UMAD1: variants seen among roughly 807,000 people sequenced by gnomAD.
UMAD1 encodes the protein UBAP1-MVB12-associated (UMA)-domain containing protein 1.
In UMAD1, 8 loss-of-function variants were observed where a neutral mutation model predicts 6.1. The ratio of observed to expected loss-of-function variants is 1.30; its 90% confidence interval spans 0.76 to 2.35. The LOEUF is 2.35. UMAD1 is among the 30% of genes most tolerant of loss of function. The pLI is 0.00. For missense variants in UMAD1, 130 were observed against 78.4 expected (o/e 1.66, Z -2.49); for synonymous variants, 56 against 31.4 (o/e 1.78, Z -2.61).
intron 3 of UMAD1, among the ~76,000 whole-genome samples, chr7:7,845,337 T>C (rs954107140): frequency 2.6e-5 from 4 of 152,092 alleles, no homozygotes; most frequent in Admixed American, 1.3e-4. Context: ...AATTTCTATT[T>C]AACAAGCTGC....
chr7:7,648,727 C>T (rs75732714), intron 1 of UMAD1, among the ~76,000 whole-genome samples: 439 of 151,982 alleles, frequency 2.9e-3, no homozygotes, highest in African/African-American at 0.01. Flanking sequence ...GGTGTGTGTG[C>T]CTGTGGTCCT....
At chr7:7,691,373 C>T (rs183688331) in intron 2 of UMAD1, among the ~76,000 whole-genome samples, 4 of 151,962 alleles carry the variant, frequency 2.6e-5, no homozygotes, top group Admixed American at 2.0e-4. Flanking sequence ...TAAAATAAAC[C>T]AAACATTAAT....
intron 3 of UMAD1, among the ~76,000 whole-genome samples, chr7:7,847,330 G>C (rs897758392): frequency 6.8e-6 from 1 of 147,380 alleles, no homozygotes; most frequent in Non-Finnish European, 1.5e-5. Context: ...ATAGCTTTGT[G>C]TATATATATA....
chr7:7,794,392 G>C (rs1782629128), intron 2 of UMAD1, among the ~76,000 whole-genome samples: 1 of 152,144 alleles, frequency 6.6e-6, no homozygotes, highest in South Asian at 2.1e-4. Flanking sequence ...GCTTATAACA[G>C]GGAGCAAAAG....
chr7:7,801,620 C>T, intron 2 of UMAD1, 50 bp from the exon 3 acceptor site: 1 of 697,700 alleles, frequency 1.4e-6, no homozygotes, highest in Non-Finnish European at 2.7e-6. Flanking sequence ...GTAGTTTGGC[C>T]TCAGTAATAT....
intron 3 of UMAD1, among the ~76,000 whole-genome samples, chr7:7,827,030 G>A (rs1164263245): frequency 6.6e-6 from 1 of 151,762 alleles, no homozygotes; most frequent in African/African-American, 2.4e-5. Flanking sequence ...AATATTTATA[G>A]TATGCCCCAT....
intron 3 of UMAD1, among the ~76,000 whole-genome samples, chr7:7,803,412 CT>C (rs1247571117): frequency 6.6e-6 from 1 of 152,180 alleles, no homozygotes; most frequent in Non-Finnish European, 1.5e-5. Flanking sequence ...GAATTCAAGG[CT>C]CCCAGCCTGG....
At chr7:7,813,674 T>G (rs543377128) in intron 3 of UMAD1, among the ~76,000 whole-genome samples, 1 of 152,356 alleles carries the variant, frequency 6.6e-6, no homozygotes, top group East Asian at 1.9e-4. Context: ...ATAACCCTAC[T>G]TTTTAAGATG....
Position 7,810,425 on chromosome 7 carries a change from G to A in UMAD1, c.156+8682G>A, listed in dbSNP as rs1447223879. 2.6e-5 allele frequency among the ~76,000 whole-genome samples: 4 copies of A among 152,048 alleles called. No homozygotes were observed. The East Asian group carries it at 5.8e-4, about 22-fold the overall frequency. ...CTAAAAAAGATGGCATATTCAGTCA[G>A]TGCAATATTTTTCAGTTTTTATAAA... On this transcript the variant is annotated intron_variant, in intron 3 of 3. Transcript: ENST00000682710.
intron 3 of UMAD1, among the ~76,000 whole-genome samples, chr7:7,840,503 C>CATTGCCAAGCCAAGTCTTCTTTT (rs1554334321): frequency 6.6e-6 from 1 of 150,972 alleles, no homozygotes; most frequent in Non-Finnish European, 1.5e-5. Flanking sequence ...TGAATGTTGG[C>CATTGCCAAGCCAAGTCTTCTTTT]ATTGCCAAGC....
At chr7:7,840,802 A>G (rs741048) in intron 3 of UMAD1, among the ~76,000 whole-genome samples, 13,427 of 152,212 alleles carry the variant, frequency 0.088, 718 homozygotes, top group Non-Finnish European at 0.12. Context: ...CATCAAGGAA[A>G]GTTCCTAATA....
rs919258265 is a variant in UMAD1, at chr7:7,878,973, G to A, written c.*1435G>A. On this transcript the variant is annotated 3_prime_UTR_variant, in exon 4 of 4. Coordinates refer to ENST00000682710, the MANE Select transcript of UMAD1 (RefSeq NM_001302348.2). ...TTACTGATGCAAACGTGAACATTTT[G>A]TAGTAGTTTTGTAAAAGAACATCCT... 5.9e-5 allele frequency: 9 copies of A among 152,250 alleles called. No individual in the cohort carries two copies. Among genetic ancestry groups the A allele is most frequent in the African/African-American group, 1.9e-4 (8 of 41,568 alleles). 9.4% of individuals were successfully genotyped at this position (152,250 alleles called of 1,614,324 possible). A position where few individuals can be genotyped will look rare whatever the true frequency, so the allele number is the denominator to read the frequency against.
At chr7:7,817,714 G>A (rs960730164) in intron 3 of UMAD1, among the ~76,000 whole-genome samples, 1 of 152,032 alleles carries the variant, frequency 6.6e-6, no homozygotes, top group Non-Finnish European at 1.5e-5. Context: ...GTTGTATTTT[G>A]GATTTTCTTT....
chr7:7,696,251 A>G (rs142716578), intron 2 of UMAD1, among the ~76,000 whole-genome samples: 204 of 151,540 alleles, frequency 1.3e-3, no homozygotes, highest in African/African-American at 4.5e-3. Flanking sequence ...CCTTGAACTC[A>G]TACAAGACTC....
At chr7:7,743,874 C>G (rs908378862) in intron 2 of UMAD1, among the ~76,000 whole-genome samples, 1 of 151,880 alleles carries the variant, frequency 6.6e-6, no homozygotes, top group Non-Finnish European at 1.5e-5. Context: ...ATTTCTAAAG[C>G]TTTTCCATCA....
intron 3 of UMAD1, among the ~76,000 whole-genome samples, chr7:7,847,096 AAAAAAAAAATATAT>A (rs1563255492): frequency 1.0e-4 from 5 of 50,064 alleles, no homozygotes; most frequent in African/African-American, 4.1e-4. Context: ...GCAAAAAAAA[AAAAAAAAAATATAT>A]ATATATATAT....
intron 2 of UMAD1, among the ~76,000 whole-genome samples, chr7:7,784,798 G>A (rs1583823155): frequency 9.4e-6 from 1 of 106,114 alleles, no homozygotes; most frequent in Admixed American, 1.4e-4. Flanking sequence ...GTCTTGCTGT[G>A]TCGCCCAGGC....
At chr7:7,867,520 CAG>C (rs1343223746) in intron 3 of UMAD1, among the ~76,000 whole-genome samples, 2 of 152,170 alleles carry the variant, frequency 1.3e-5, no homozygotes, top group Non-Finnish European at 2.9e-5. Flanking sequence ...ACTAAAAATT[CAG>C]AGTCAGTAGC....
At position 7,841,464 on chromosome 7, in the gene UMAD1, C is replaced by G. The variant is rs533353925; in HGVS notation, c.157-35817C>G. ...GACCACAGGCACACACCTCCACACT[C>G]GGCTAATTTTTGTATTTTTTGTAGA... On this transcript the variant is annotated intron_variant, in intron 3 of 3. Coordinates refer to ENST00000682710, the MANE Select transcript of UMAD1 (RefSeq NM_001302348.2). Among the ~76,000 whole-genome samples the G allele has an allele frequency of 5.3e-5, 8 of 152,004 alleles. No homozygotes were observed. The South Asian group carries it at 1.7e-3, about 32-fold the overall frequency.
Sources: gnomAD v4.1 joint callset for allele counts (sites outside exome capture counted in the v4.1 genomes callset) on GRCh38, gnomAD v4.1.1 for gene constraint, MANE v1.5 for transcripts, NCBI Gene and HGNC (gene_info 2026-07-23, HGNC 2026-07-21) for gene names.